Variants in SMIM10L3 observed in about 807,000 individuals in gnomAD.
The protein encoded by SMIM10L3 is small integral membrane protein 10 like 3, also known as salivary gland specific protein SAGSIN1.
the SMIM10L3 span, among the ~76,000 whole-genome samples, chr7:6,333,893 C>G: frequency 7.4e-6 from 1 of 134,414 alleles, no homozygotes; most frequent in African/African-American, 2.8e-5. Flanking sequence ...TTTGCCCAGG[C>G]TGGAGTGCAG....
At chr7:6,341,261 G>A in the SMIM10L3 span, among the ~76,000 whole-genome samples, 8 of 151,456 alleles carry the variant, frequency 5.3e-5, no homozygotes, top group African/African-American at 1.9e-4. Flanking sequence ...TGGCTAACAC[G>A]GTGAAACCCC....
At chr7:6,339,579 G>C in the SMIM10L3 span, among the ~76,000 whole-genome samples, 1 of 151,850 alleles carries the variant, frequency 6.6e-6, no homozygotes, top group African/African-American at 2.4e-5. Context: ...CGCCTCCCAG[G>C]TTCACGCCAT....
At chr7:6,330,710 C>G in the SMIM10L3 span, 1 of 1,614,150 alleles carries the variant, frequency 6.2e-7, no homozygotes, top group African/African-American at 1.3e-5. Context: ...ACCCGAGGCT[C>G]TCCTTTGGGG....
At chr7:6,330,845 C>T in the SMIM10L3 span, 37 of 1,614,194 alleles carry the variant, frequency 2.3e-5, no homozygotes, top group African/African-American at 1.7e-4. Flanking sequence ...AACAAACCCA[C>T]GGCTGTGCTC....
At chr7:6,348,858 C>A in the SMIM10L3 span, 2 of 389,276 alleles carry the variant, frequency 5.1e-6, no homozygotes, top group African/African-American at 2.1e-5. Flanking sequence ...GCGAAGGAGG[C>A]GGCGGCTAGA....
At chr7:6,333,746 A>C in the SMIM10L3 span, among the ~76,000 whole-genome samples, 128 of 151,640 alleles carry the variant, frequency 8.4e-4, no homozygotes, top group African/African-American at 3.0e-3. Context: ...GAAGAGATCC[A>C]AGTAGGTGAC....
chr7:6,333,168 C>CAAAAAAAAA, the SMIM10L3 span, among the ~76,000 whole-genome samples: 3 of 127,988 alleles, frequency 2.3e-5, no homozygotes, highest in Non-Finnish European at 5.3e-5. Flanking sequence ...ATAAAAAAAT[C>CAAAAAAAAA]AAAAAAAAAA....
the SMIM10L3 span, among the ~76,000 whole-genome samples, chr7:6,342,353 C>G: frequency 6.6e-6 from 1 of 151,596 alleles, no homozygotes; most frequent in Non-Finnish European, 1.5e-5. Flanking sequence ...GAGACCAGCC[C>G]AGCTAACATG....
chr7:6,337,552 G>T, the SMIM10L3 span, among the ~76,000 whole-genome samples: 1 of 151,690 alleles, frequency 6.6e-6, no homozygotes, highest in Admixed American at 6.6e-5. Context: ...AACATTTCTA[G>T]AATTGTGTTA....
the SMIM10L3 span, among the ~76,000 whole-genome samples, chr7:6,335,175 G>A: frequency 1.3e-5 from 2 of 151,942 alleles, no homozygotes; most frequent in Non-Finnish European, 2.9e-5. Context: ...CGATTCTCCT[G>A]CATCAGCCTC....
the SMIM10L3 span, among the ~76,000 whole-genome samples, chr7:6,345,619 C>G: frequency 5.3e-5 from 8 of 152,178 alleles, no homozygotes; most frequent in Non-Finnish European, 1.0e-4. Context: ...CAGGTTTTCT[C>G]TTATAGCCAT....
chr7:6,332,061 G>T, the SMIM10L3 span, among the ~76,000 whole-genome samples: 1 of 149,712 alleles, frequency 6.7e-6, no homozygotes, highest in Non-Finnish European at 1.5e-5. Context: ...GCTGTGAGCC[G>T]AGATCATGCC....
the SMIM10L3 span, chr7:6,331,008 C>T: frequency 6.2e-7 from 1 of 1,614,220 alleles, no homozygotes; most frequent in Non-Finnish European, 8.5e-7. Context: ...CAACCACAGG[C>T]TTATTCATCC....
the SMIM10L3 span, among the ~76,000 whole-genome samples, chr7:6,337,526 T>A: frequency 6.6e-6 from 1 of 151,818 alleles, no homozygotes; most frequent in East Asian, 1.9e-4. Context: ...GGATTTAGCA[T>A]TGTTCAGAAA....
the SMIM10L3 span, among the ~76,000 whole-genome samples, chr7:6,344,335 G>A: frequency 6.6e-6 from 1 of 151,996 alleles, no homozygotes; most frequent in Non-Finnish European, 1.5e-5. Flanking sequence ...AAATATCAAG[G>A]CCAAGAAGAC....
At chr7:6,344,877 G>A in the SMIM10L3 span, among the ~76,000 whole-genome samples, 2 of 152,118 alleles carry the variant, frequency 1.3e-5, no homozygotes, top group African/African-American at 4.8e-5. Context: ...AAGTAGCTGG[G>A]ATGACAGGCG....
the SMIM10L3 span, chr7:6,330,480 T>C: frequency 2.5e-6 from 4 of 1,614,228 alleles, no homozygotes; most frequent in Non-Finnish European, 3.4e-6. Context: ...TCTTGAATTC[T>C]ATTGTTTGCT....
the SMIM10L3 span, among the ~76,000 whole-genome samples, chr7:6,332,734 C>T: frequency 2.6e-5 from 4 of 152,102 alleles, no homozygotes; most frequent in African/African-American, 9.7e-5. Flanking sequence ...AGCAGCAACA[C>T]TGAAAGGATC....
the SMIM10L3 span, among the ~76,000 whole-genome samples, chr7:6,343,397 CATATATATAT>C: frequency 0.068 from 5,913 of 86,566 alleles, 225 homozygotes; most frequent in Middle Eastern, 0.085. Flanking sequence ...ATAATAATTT[CATATATATAT>C]ATATATATAT....
Sources: gnomAD v4.1 joint callset for allele counts (sites outside exome capture counted in the v4.1 genomes callset) on GRCh38, gnomAD v4.1.1 for gene constraint, MANE v1.5 for transcripts, NCBI Gene and HGNC (gene_info 2026-07-23, HGNC 2026-07-21) for gene names.